The following GALNT6 variants were observed in gnomAD, a reference collection of about 807,000 sequenced individuals.
GALNT6 encodes polypeptide N-acetylgalactosaminyltransferase 6.
Under a neutral mutation model 65.9 loss-of-function variants are expected in GALNT6, and 51 were observed. That is an observed-to-expected ratio of 0.77 (90% CI 0.62 to 0.98). GALNT6 has a LOEUF of 0.98. Ranked by LOEUF, GALNT6 falls within the 50% of genes least tolerant of loss-of-function variation. GALNT6 has a pLI of 0.00. For missense variants in GALNT6, 708 were observed against 803.3 expected (o/e 0.88, Z 1.43); for synonymous variants, 323 against 315.1 (o/e 1.02, Z -0.26).
intron 4 of GALNT6, among the ~76,000 whole-genome samples, chr12:51,366,077 C>G (rs911713150): frequency 6.6e-6 from 1 of 152,184 alleles, no homozygotes; most frequent in Non-Finnish European, 1.5e-5. Context: ...GCAACCATGC[C>G]TGGCTCATTT....
intron 2 of GALNT6, among the ~76,000 whole-genome samples, 187 bp downstream of exon 2, chr12:51,390,663 G>C (rs554306021): frequency 1.3e-5 from 2 of 152,346 alleles, no homozygotes; most frequent in South Asian, 4.1e-4. Flanking sequence ...GGTGTGTCCA[G>C]AACTATGAAC....
rs1257445648 is a variant in GALNT6 at position 51,351,322 on chromosome 12, G to C, written c.*3057C>G. The C allele has an allele frequency of 6.6e-6, 1 of 152,160 alleles. No homozygotes were observed. Among genetic ancestry groups the C allele is most frequent in the Non-Finnish European group, 1.5e-5 (1 of 68,040 alleles). 9.4% of individuals were successfully genotyped at this position (152,160 alleles called of 1,614,324 possible). On this transcript the variant is annotated 3_prime_UTR_variant, in exon 12 of 12. Coordinates refer to ENST00000356317, the MANE Select transcript of GALNT6 (RefSeq NM_007210.4). ...TTTTTTTGAATGGAGCAAGAGCTCCGTGAAGGCTAAAGTGCCTAGGGCCCC... is the reference window on the plus strand; with the variant it reads ...TTTTTTTGAATGGAGCAAGAGCTCCCTGAAGGCTAAAGTGCCTAGGGCCCC...
chr12:51,367,496 T>C (rs527502569), intron 4 of GALNT6, among the ~76,000 whole-genome samples: 3 of 152,200 alleles, frequency 2.0e-5, no homozygotes, highest in Non-Finnish European at 4.4e-5. Flanking sequence ...ACATACCGAA[T>C]TCCAAACCTT....
At chr12:51,368,998 T>C (rs754743939) in intron 4 of GALNT6, among the ~76,000 whole-genome samples, 4 of 152,146 alleles carry the variant, frequency 2.6e-5, no homozygotes, top group East Asian at 1.9e-4. Flanking sequence ...TTGAGACTCA[T>C]AGTGCACCTG....
At chr12:51,363,323 A>G (rs1445033393) in intron 6 of GALNT6, among the ~76,000 whole-genome samples, 1 of 152,208 alleles carries the variant, frequency 6.6e-6, no homozygotes, top group Non-Finnish European at 1.5e-5. Flanking sequence ...ATAAGAGGGA[A>G]AGGTGAGCCC....
Position 51,390,156 on chromosome 12 carries a change from CTTTT to C in GALNT6, c.-104+690_-104+693del, listed in dbSNP as rs796243349. ...AGCATATTTCTTTCTTTCTTTCTTTCTTTTTTTTTTTTTTTTTTTTTTTGAGACA... is the reference window on the plus strand; with the variant it reads ...AGCATATTTCTTTCTTTCTTTCTTTCTTTTTTTTTTTTTTTTTTTGAGACA... On this transcript the variant is annotated intron_variant, in intron 2 of 11. Transcript: ENST00000356317. Among the ~76,000 whole-genome samples the C allele has an allele frequency of 5.8e-4, 67 of 116,304 alleles. 1 individual carries two copies. The highest frequency in any genetic ancestry group is 1.7e-3 in the African/African-American group (50 of 30,040). The allele number at this position is 116,304 out of a possible 152,430, so 76.3% of individuals were successfully genotyped here. A position where few individuals can be genotyped will look rare whatever the true frequency, so the allele number is the denominator to read the frequency against.
intron 4 of GALNT6, among the ~76,000 whole-genome samples, chr12:51,375,832 C>T (rs1438629407): frequency 2.6e-5 from 4 of 152,128 alleles, no homozygotes; most frequent in Non-Finnish European, 5.9e-5. Context: ...GCTAGGATTA[C>T]AGGCGTGAGC....
At chr12:51,382,661 T>C (rs988265567) in intron 2 of GALNT6, among the ~76,000 whole-genome samples, 2 of 152,078 alleles carry the variant, frequency 1.3e-5, no homozygotes, top group African/African-American at 4.8e-5. Context: ...ACCCAAGGCA[T>C]GGGGAGTAAT....
intron 2 of GALNT6, among the ~76,000 whole-genome samples, chr12:51,381,305 C>A (rs189185797): frequency 3.4e-4 from 51 of 152,232 alleles, no homozygotes; most frequent in Admixed American, 1.3e-3. Context: ...TAACAGAAAC[C>A]TAAGATTTCA....
At chr12:51,386,626 G>T (rs1448585961) in intron 2 of GALNT6, among the ~76,000 whole-genome samples, 1 of 152,178 alleles carries the variant, frequency 6.6e-6, no homozygotes, top group African/African-American at 2.4e-5. Flanking sequence ...AAGTTACTCA[G>T]AGGAGGGCTC....
At chr12:51,362,813 G>T (rs373601639) in intron 6 of GALNT6, among the ~76,000 whole-genome samples, 1 of 151,742 alleles carries the variant, frequency 6.6e-6, no homozygotes, top group South Asian at 2.1e-4. Flanking sequence ...TTCTCCCTGT[G>T]GCATTCACCT....
chr12:51,388,061 G>A (rs2137830623), intron 2 of GALNT6, among the ~76,000 whole-genome samples: 1 of 152,248 alleles, frequency 6.6e-6, no homozygotes, highest in Middle Eastern at 3.4e-3. Flanking sequence ...AAGCATTGAA[G>A]TCCGTGAAAC....
chr12:51,368,456 G>A (rs960365379), intron 4 of GALNT6, among the ~76,000 whole-genome samples: 1 of 149,368 alleles, frequency 6.7e-6, no homozygotes, highest in Non-Finnish European at 1.5e-5. Context: ...CCAGGCTGGA[G>A]TGCAGTGGTG....
intron 4 of GALNT6, among the ~76,000 whole-genome samples, chr12:51,367,590 G>A (rs1947151316): frequency 6.6e-6 from 1 of 152,258 alleles, no homozygotes; most frequent in African/African-American, 2.4e-5. Context: ...AGTTTCAGAT[G>A]TGGGGGACAG....
chr12:51,390,578 T>G (rs1408730639), intron 2 of GALNT6, among the ~76,000 whole-genome samples: 7 of 152,234 alleles, frequency 4.6e-5, no homozygotes, highest in African/African-American at 7.2e-5. Context: ...AGCTCATCTG[T>G]CTGGAGCGGA....
rs756729995 is a variant in GALNT6 at position 51,379,802 on chromosome 12, C to A, written c.-21G>T. 2 of 1,586,132 alleles carry A rather than the reference C, an allele frequency of 1.3e-6. No homozygotes were observed. The highest frequency in any genetic ancestry group is 2.2e-5 in the South Asian group (2 of 89,500). The stretch of plus-strand genomic sequence containing the variant: ...CTCATCCTCCAGAACCAAGGGGCAC[C>A]CCAGCTGCGTCAGCTCTGAGTCCTG... On this transcript the variant is annotated 5_prime_UTR_variant, in exon 3 of 12. Coordinates refer to ENST00000356317, the MANE Select transcript of GALNT6 (RefSeq NM_007210.4).
intron 4 of GALNT6, among the ~76,000 whole-genome samples, chr12:51,369,672 C>A (rs1225524692): frequency 1.3e-5 from 2 of 152,132 alleles, no homozygotes; most frequent in African/African-American, 4.8e-5. Context: ...CAACATATGC[C>A]CAAAACAGGC....
chr12:51,391,250 G>A (rs1948084401), intron 1 of GALNT6, 37 bp downstream of exon 1: 2 of 153,168 alleles, frequency 1.3e-5, no homozygotes, highest in African/African-American at 4.8e-5. Context: ...AGGGGAAGAG[G>A]GTGTGGAGCC....
chr12:51,391,181 A>G (rs1328356703), intron 1 of GALNT6, 106 bp downstream of exon 1: 2 of 152,678 alleles, frequency 1.3e-5, no homozygotes, highest in Non-Finnish European at 2.9e-5. Context: ...ACCAGAGCAC[A>G]TGGGGTGGCC....
Sources: gnomAD v4.1 joint callset for allele counts (sites outside exome capture counted in the v4.1 genomes callset) on GRCh38, gnomAD v4.1.1 for gene constraint, MANE v1.5 for transcripts, NCBI Gene and HGNC (gene_info 2026-07-23, HGNC 2026-07-21) for gene names.